FRMD4A: variants seen among roughly 807,000 people sequenced by gnomAD.
FRMD4A encodes FERM domain-containing protein 4A.
A neutral mutation model predicts 129.1 loss-of-function variants in FRMD4A; 29 were observed. That is an observed-to-expected ratio of 0.22 (90% CI 0.17 to 0.31). The LOEUF is 0.31. FRMD4A is among the 10% of genes least tolerant of loss of function. FRMD4A has a pLI of 1.00. For synonymous variants in FRMD4A, 634 were observed against 571.6 expected (o/e 1.11, Z -1.56); for missense variants, 1,272 against 1,375.8 (o/e 0.92, Z 1.19).
intron 2 of FRMD4A, among the ~76,000 whole-genome samples, chr10:14,029,774 T>G (rs2131659955): frequency 6.6e-6 from 1 of 151,954 alleles, no homozygotes; most frequent in Non-Finnish European, 1.5e-5. Context: ...GCTTTTATTT[T>G]GATCACCCAA....
chr10:14,184,452 T>C (rs1842017270), intron 2 of FRMD4A, among the ~76,000 whole-genome samples: 1 of 150,918 alleles, frequency 6.6e-6, no homozygotes, highest in South Asian at 2.1e-4. Context: ...CTCAGTTATT[T>C]ATCTAGCTTC....
chr10:14,037,888 A>C (rs946860449), intron 2 of FRMD4A, among the ~76,000 whole-genome samples: 1 of 152,212 alleles, frequency 6.6e-6, no homozygotes, highest in African/African-American at 2.4e-5. Flanking sequence ...AAATTTCCCC[A>C]AGACCAATTC....
chr10:14,002,132 C>T (rs543110640), intron 2 of FRMD4A, among the ~76,000 whole-genome samples: 6 of 152,148 alleles, frequency 3.9e-5, no homozygotes, highest in Non-Finnish European at 7.3e-5. Flanking sequence ...TTAAAAATAT[C>T]GCTCCAGAAA....
At chr10:14,049,545 A>G (rs1023024307) in intron 2 of FRMD4A, among the ~76,000 whole-genome samples, 2 of 152,074 alleles carry the variant, frequency 1.3e-5, no homozygotes, top group African/African-American at 2.4e-5. Context: ...TAAAGTAAAT[A>G]TTTTTTTCCT....
chr10:14,269,206 C>T (rs936677303), intron 2 of FRMD4A, among the ~76,000 whole-genome samples: 15 of 152,106 alleles, frequency 9.9e-5, no homozygotes, highest in Non-Finnish European at 1.8e-4. Context: ...AGGATCAGCA[C>T]AAAATATGCT....
chr10:13,958,281 G>GTTTTTT (rs35369777), intron 2 of FRMD4A, among the ~76,000 whole-genome samples: 1 of 104,660 alleles, frequency 9.6e-6, no homozygotes, highest in Non-Finnish European at 1.8e-5. Context: ...CATGACCATT[G>GTTTTTT]TTTTTTTTTT....
rs1476848602 is a variant in FRMD4A at position 14,059,205 on chromosome 10, T to G, written c.46-200293A>C. 2.0e-5 allele frequency among the ~76,000 whole-genome samples: 3 copies of G among 152,170 alleles called. No individual in the cohort carries two copies. In the East Asian group the frequency reaches 5.8e-4, roughly 29 times the overall value. ...TTGTATGTAAATAAAATCACGTGGT[T>G]ACTGTAACTCCTCCCTCCTCTGGAA... On this transcript the variant is annotated intron_variant, in intron 2 of 24. Transcript: ENST00000357447.
At chr10:13,927,843 G>A (rs543624050) in intron 2 of FRMD4A, among the ~76,000 whole-genome samples, 28 of 152,298 alleles carry the variant, frequency 1.8e-4, no homozygotes, top group African/African-American at 6.5e-4. Flanking sequence ...GAGCAAGTAA[G>A]TTAAGATGGA....
intron 2 of FRMD4A, among the ~76,000 whole-genome samples, chr10:14,162,957 C>T (rs1482612322): frequency 6.6e-6 from 1 of 152,128 alleles, no homozygotes; most frequent in Non-Finnish European, 1.5e-5. Context: ...CCGGCATGGC[C>T]ATTCGAATCT....
chr10:14,140,785 C>T (rs548679190), intron 2 of FRMD4A, among the ~76,000 whole-genome samples: 1 of 152,120 alleles, frequency 6.6e-6, no homozygotes, highest in African/African-American at 2.4e-5. Flanking sequence ...ATATCTCACA[C>T]CTTTGCTCCA....
At position 14,325,248 on chromosome 10, in the gene FRMD4A, A is replaced by T. The variant is rs1443877181; in HGVS notation, c.45+4810T>A. 1.8e-4 allele frequency among the ~76,000 whole-genome samples: 27 copies of T among 152,238 alleles called. 1 individual carries two copies. Among genetic ancestry groups the T allele is most frequent in the Admixed American group, 1.8e-3 (27 of 15,290 alleles). ...TACAAATTCTGAATCTCTTTTCAGG[A>T]TCTAATCTGAATCTATCAGATTAGA... On this transcript the variant is annotated intron_variant, in intron 2 of 24. Coordinates refer to ENST00000357447, the MANE Select transcript of FRMD4A (RefSeq NM_018027.5).
intron 2 of FRMD4A, among the ~76,000 whole-genome samples, chr10:14,163,404 C>T (rs1005112014): frequency 6.6e-6 from 1 of 152,196 alleles, no homozygotes; most frequent in African/African-American, 2.4e-5. Flanking sequence ...CTATCATCCA[C>T]TTGTAATAAA....
At chr10:13,886,957 T>C (rs1437382007) in intron 2 of FRMD4A, among the ~76,000 whole-genome samples, 1 of 152,208 alleles carries the variant, frequency 6.6e-6, no homozygotes, top group African/African-American at 2.4e-5. Flanking sequence ...AACATGTGAA[T>C]GTAAGTCAGA....
Position 13,919,880 on chromosome 10 carries a change from G to A in FRMD4A, c.46-60968C>T, listed in dbSNP as rs1284565685. On this transcript the variant is annotated intron_variant, in intron 2 of 24. Coordinates refer to ENST00000357447, the MANE Select transcript of FRMD4A (RefSeq NM_018027.5). ...TTGAACCCAAGAGGCAGAGGTTGCAGTGAGCTGAGATTGCACCACTGCACT... is the reference window on the plus strand; with the variant it reads ...TTGAACCCAAGAGGCAGAGGTTGCAATGAGCTGAGATTGCACCACTGCACT... Among the ~76,000 whole-genome samples, 3 of 152,202 alleles carry A rather than the reference G, an allele frequency of 2.0e-5. No individual in the cohort carries two copies. In the East Asian group the frequency reaches 5.8e-4, roughly 29 times the overall value.
chr10:13,722,201 CA>C (rs2134979700), intron 12 of FRMD4A, among the ~76,000 whole-genome samples: 1 of 150,730 alleles, frequency 6.6e-6, no homozygotes, highest in Admixed American at 6.6e-5. Flanking sequence ...TGGGTGGTTG[CA>C]TGAACTATTC....
At chr10:14,097,990 AATTATAG>A (rs1206349458) in intron 2 of FRMD4A, among the ~76,000 whole-genome samples, 21 of 140,046 alleles carry the variant, frequency 1.5e-4, no homozygotes, top group African/African-American at 5.4e-4. Context: ...ATATTATATA[AATTATAG>A]ATTATATATA....
intron 2 of FRMD4A, among the ~76,000 whole-genome samples, chr10:13,962,145 C>A (rs1171639705): frequency 6.6e-6 from 1 of 152,240 alleles, no homozygotes; most frequent in Admixed American, 6.5e-5. Context: ...TACTAGCCAT[C>A]TTCTTCCAAA....
intron 2 of FRMD4A, among the ~76,000 whole-genome samples, chr10:14,242,424 TC>T (rs1430747557): frequency 6.6e-6 from 1 of 152,270 alleles, no homozygotes; most frequent in Non-Finnish European, 1.5e-5. Flanking sequence ...TGCAGATATT[TC>T]TTACACGTCG....
At chr10:13,854,686 C>T (rs1881596) in intron 3 of FRMD4A, among the ~76,000 whole-genome samples, 17,911 of 151,628 alleles carry the variant, frequency 0.12, 1,220 homozygotes, top group South Asian at 0.15. Context: ...CTCTCCTTGG[C>T]CTCCCAAAGT....
Sources: gnomAD v4.1 joint callset for allele counts (sites outside exome capture counted in the v4.1 genomes callset) on GRCh38, gnomAD v4.1.1 for gene constraint, MANE v1.5 for transcripts, NCBI Gene and HGNC (gene_info 2026-07-23, HGNC 2026-07-21) for gene names.